NECTIN3: variants seen among roughly 807,000 people sequenced by gnomAD.
The protein encoded by NECTIN3 is nectin cell adhesion molecule 3.
A neutral mutation model predicts 49.4 loss-of-function variants in NECTIN3; 8 were observed. That is an observed-to-expected ratio of 0.16 (90% CI 0.10 to 0.29). The LOEUF (loss-of-function observed/expected upper bound fraction) is 0.29, where lower values mean the gene tolerates loss of function less well. Among genes scored for constraint, NECTIN3 ranks in the 10% least tolerant of loss-of-function variants. NECTIN3 has a pLI of 1.00. For synonymous variants in NECTIN3, 277 were observed against 241.1 expected, an observed-to-expected ratio of 1.15 and a Z score of -1.38; for missense variants, 581 against 654.6, an observed-to-expected ratio of 0.89 and a Z score of 1.23.
intron 7 of NECTIN3, among the ~76,000 whole-genome samples, chr3:111,179,008 T>C (rs1328998252): frequency 6.6e-6 from 1 of 152,228 alleles, no homozygotes; most frequent in Non-Finnish European, 1.5e-5. Flanking sequence ...TTGGCTGTAA[T>C]AAAACTTGGC....
intron 6 of NECTIN3, among the ~76,000 whole-genome samples, chr3:111,147,207 C>T (rs1286024613): frequency 6.6e-6 from 1 of 152,010 alleles, no homozygotes; most frequent in African/African-American, 2.4e-5. Flanking sequence ...CCTTTAACAC[C>T]AATGTTTACT....
intron 1 of NECTIN3, among the ~76,000 whole-genome samples, chr3:111,078,912 A>C (rs1308057363): frequency 6.6e-6 from 1 of 152,118 alleles, no homozygotes; most frequent in Non-Finnish European, 1.5e-5. Context: ...GATGTATCGT[A>C]CTTCATGTAT....
chr3:111,128,031 T>C (rs746670528), intron 5 of NECTIN3, among the ~76,000 whole-genome samples: 38 of 152,308 alleles, frequency 2.5e-4, no homozygotes, highest in Admixed American at 2.4e-3. Context: ...AATATGTCTA[T>C]GTAATCATTT....
At chr3:111,184,114 C>T (rs992400661) in intron 7 of NECTIN3, among the ~76,000 whole-genome samples, 3 of 152,024 alleles carry the variant, frequency 2.0e-5, no homozygotes, top group Non-Finnish European at 4.4e-5. Context: ...TCAGTGTCTA[C>T]TCTGCTACTA....
chr3:111,158,145 G>A lies in NECTIN3; in HGVS notation c.1221+10661G>A, dbSNP rs112178844. On this transcript the variant is annotated intron_variant, in intron 7 of 8. Coordinates refer to the NECTIN3 transcript ENST00000493615. ...GCTTTACAATTATGACTGTTTGACA[G>A]CTCACATAGATACTAGAAGCTTAAA... Among the ~76,000 whole-genome samples the A allele has an allele frequency of 9.0e-3, 1,369 of 152,122 alleles. 9 individuals are homozygous for A. Among genetic ancestry groups the A allele is most frequent in the Non-Finnish European group, 0.015 (1,041 of 67,908 alleles).
intron 7 of NECTIN3, chr3:111,147,501 A>G: frequency 1.4e-6 from 2 of 1,463,506 alleles, no homozygotes; most frequent in Non-Finnish European, 1.8e-6. Context: ...GTTCATGAGT[A>G]CACTTAAGAT....
intron 1 of NECTIN3, among the ~76,000 whole-genome samples, chr3:111,101,610 C>CT (rs2032911650): frequency 6.6e-6 from 1 of 152,092 alleles, no homozygotes; most frequent in Non-Finnish European, 1.5e-5. Flanking sequence ...TTATCTAGAA[C>CT]TTTCTGCAGT....
At chr3:111,074,060 G>C (rs1279758048) in intron 1 of NECTIN3, 9 of 339,982 alleles carry the variant, frequency 2.6e-5, no homozygotes, top group Admixed American at 2.3e-4. Context: ...GTAGACACTG[G>C]TTTTGTATTC....
intron 7 of NECTIN3, among the ~76,000 whole-genome samples, chr3:111,183,460 C>T (rs574178540): frequency 1.3e-5 from 2 of 151,884 alleles, no homozygotes; most frequent in South Asian, 2.1e-4. Context: ...TAGAGGCGCC[C>T]GCCACCACAC....
upstream of NECTIN3, chr3:111,192,303 G>A (rs967918174): frequency 6.8e-7 from 1 of 1,463,100 alleles, no homozygotes; most frequent in African/African-American, 1.4e-5. Flanking sequence ...TGGTTGATAT[G>A]TTTTGCCATG....
chr3:111,119,108 A>C (rs2033832796), intron 3 of NECTIN3, among the ~76,000 whole-genome samples, 156 bp downstream of exon 3: 1 of 152,076 alleles, frequency 6.6e-6, no homozygotes, highest in South Asian at 2.1e-4. Flanking sequence ...ATTTTTAATC[A>C]CTTTTGTAAA....
chr3:111,186,075 A>G (rs1402258519), intron 7 of NECTIN3, among the ~76,000 whole-genome samples: 1 of 152,178 alleles, frequency 6.6e-6, no homozygotes, highest in Non-Finnish European at 1.5e-5. Context: ...CATAAAAAAA[A>G]CAGTGAGTGC....
intron 7 of NECTIN3, among the ~76,000 whole-genome samples, chr3:111,174,192 T>C (rs1000747397): frequency 1.1e-4 from 17 of 152,220 alleles, no homozygotes; most frequent in Admixed American, 2.0e-4. Flanking sequence ...TCACAGCTTA[T>C]GTTGATTGCT....
downstream of NECTIN3, among the ~76,000 whole-genome samples, chr3:111,139,774 A>T (rs1191963181): frequency 6.6e-6 from 1 of 151,740 alleles, no homozygotes; most frequent in Admixed American, 6.6e-5. Flanking sequence ...CCCAGTTCAA[A>T]ATTAGTCTGT....
At chr3:111,133,039 A>G (rs1249719219) in intron 5 of NECTIN3, among the ~76,000 whole-genome samples, 1 of 151,740 alleles carries the variant, frequency 6.6e-6, no homozygotes, top group East Asian at 1.9e-4. Context: ...TATTTAAAGA[A>G]AATATTTTTG....
intron 1 of NECTIN3, chr3:111,074,307 A>G: frequency 2.2e-6 from 1 of 455,432 alleles, no homozygotes; most frequent in Non-Finnish European, 4.4e-6. Context: ...TAATAGAGTT[A>G]TAATGATGTT....
At position 111,133,966 on chromosome 3, in the gene NECTIN3, A is replaced by G. The variant is rs764973073; in HGVS notation, c.1401A>G (p.Pro467=). 1 of 1,613,576 alleles carries G rather than the reference A, an allele frequency of 6.2e-7. No homozygotes were observed. The highest frequency in any genetic ancestry group is 1.1e-5 in the South Asian group (1 of 91,058). ...AACAAGATGAGCTTGATTCTTACCC[A>G]GACAGTGTAAAAAAAGAAAACAAAA... The part of the protein sequence containing the change: ...VLQQDELDSY[P]DSVKKENKNP... The change falls in exon 6 of 6, where the codon CCA becomes CCG. Residue 467 remains proline, a synonymous_variant. Coordinates refer to ENST00000485303, the MANE Select transcript of NECTIN3 (RefSeq NM_015480.3).
chr3:111,163,708 G>A (rs1309540122), intron 7 of NECTIN3, among the ~76,000 whole-genome samples: 1 of 152,120 alleles, frequency 6.6e-6, no homozygotes, highest in African/African-American at 2.4e-5. Context: ...TAATAGGAAA[G>A]AATTAATTAA....
intron 7 of NECTIN3, among the ~76,000 whole-genome samples, chr3:111,162,194 C>G (rs2035227352): frequency 6.6e-6 from 1 of 152,068 alleles, no homozygotes; most frequent in East Asian, 1.9e-4. Flanking sequence ...GAAAATTAAA[C>G]ACTGCCTTTA....
Sources: allele counts gnomAD v4.1 joint callset (sites outside exome capture counted in the v4.1 genomes callset), GRCh38; gene constraint gnomAD v4.1.1; transcripts MANE v1.5; gene names NCBI Gene and HGNC (gene_info 2026-07-23, HGNC 2026-07-21).